The following MTMR12 variants were observed in gnomAD, a reference collection of about 807,000 sequenced individuals.
The protein encoded by MTMR12 is myotubularin-related protein 12.
A neutral mutation model predicts 96.7 loss-of-function variants in MTMR12; 33 were observed. That is an observed-to-expected ratio of 0.34 (90% CI 0.26 to 0.46). MTMR12 has a LOEUF of 0.46. MTMR12 is among the 20% of genes least tolerant of loss of function. The probability of loss-of-function intolerance (pLI) is 1.00; values close to 1 mark genes in which losing one functional copy is unlikely to be tolerated. For synonymous variants in MTMR12, 298 were observed against 327.2 expected (o/e 0.91, Z 0.96); for missense variants, 721 against 896.1 (o/e 0.80, Z 2.49).
intron 8 of MTMR12, among the ~76,000 whole-genome samples, chr5:32,253,329 T>G (rs1356838009): frequency 6.6e-6 from 1 of 152,172 alleles, no homozygotes; most frequent in Non-Finnish European, 1.5e-5. Context: ...GATTGGGTAT[T>G]CTAGGTTAAG....
In MTMR12 at chr5:32,308,321, C is replaced by CA. The variant is rs1188447384; in HGVS notation, c.81+4436dup. Among the ~76,000 whole-genome samples, 404 of 138,484 alleles carry CA rather than the reference C, an allele frequency of 2.9e-3. 1 individual carries two copies. The highest frequency in any genetic ancestry group is 9.1e-3 in the African/African-American group (344 of 37,738). The allele number at this position is 138,484 out of a possible 152,430, so 90.9% of individuals were successfully genotyped here. On this transcript the variant is annotated intron_variant, in intron 1 of 15. Transcript: ENST00000382142. ...TGGGTGACAGAACGAGGCTCCATCT[C>CA]AAAAAAAAAAAGAAAGAAGCAACAG...
intron 3 of MTMR12, among the ~76,000 whole-genome samples, chr5:32,273,455 AC>A (rs1223675610): frequency 6.6e-5 from 10 of 152,238 alleles, no homozygotes; most frequent in African/African-American, 2.4e-4. Context: ...CGGTTTCATT[AC>A]TGAACTCAGT....
chr5:32,227,508 T>C lies in MTMR12; in HGVS notation c.*2270A>G, dbSNP rs1472565029. Reference sequence around the variant, plus strand: ...AATATGTCAATGCACATTCAACTGCTATGACAAAGGCCATGACCTTGTGCC... The same window carrying C: ...AATATGTCAATGCACATTCAACTGCCATGACAAAGGCCATGACCTTGTGCC... On this transcript the variant is annotated 3_prime_UTR_variant, in exon 16 of 16. Transcript: ENST00000382142. The C allele has an allele frequency of 6.5e-6, 1 of 152,692 alleles. No individual in the cohort carries two copies. The highest frequency in any genetic ancestry group is 1.5e-5 in the Non-Finnish European group (1 of 68,048). 9.5% of individuals were successfully genotyped at this position (152,692 alleles called of 1,614,324 possible). A position where few individuals can be genotyped will look rare whatever the true frequency, so the allele number is the denominator to read the frequency against.
At chr5:32,283,032 G>A (rs1441173996) in intron 1 of MTMR12, among the ~76,000 whole-genome samples, 2 of 152,196 alleles carry the variant, frequency 1.3e-5, no homozygotes, top group Non-Finnish European at 2.9e-5. Flanking sequence ...GTATCTGGAT[G>A]TGCTGAGTCC....
At position 32,312,677 on chromosome 5, in the gene MTMR12, C is replaced by T. The variant is rs959665972; in HGVS notation, c.81+81G>A. 3 of 1,235,938 alleles carry T rather than the reference C, an allele frequency of 2.4e-6. No homozygotes were observed. The highest frequency in any genetic ancestry group is 2.1e-5 in the South Asian group (1 of 46,806). 76.6% of individuals were successfully genotyped at this position (1,235,938 alleles called of 1,614,324 possible). A position where few individuals can be genotyped will look rare whatever the true frequency, so the allele number is the denominator to read the frequency against. Reference sequence around the variant, plus strand: ...GGGCAGGAAGCGCTCCGCGGCGCTCCCCGCTGCAAGGAAGGGGCTCCCGGC... The same window carrying T: ...GGGCAGGAAGCGCTCCGCGGCGCTCTCCGCTGCAAGGAAGGGGCTCCCGGC... On this transcript the variant is annotated intron_variant, in intron 1 of 15. Coordinates refer to ENST00000382142, the MANE Select transcript of MTMR12 (RefSeq NM_001040446.3). This position sits in a 1 kb window ranked among gnomAD's most constrained non-coding sequence, Gnocchi z 5.0.
chr5:32,298,898 A>G (rs1201337036), intron 1 of MTMR12, among the ~76,000 whole-genome samples: 1 of 149,622 alleles, frequency 6.7e-6, no homozygotes, highest in Non-Finnish European at 1.5e-5. Flanking sequence ...GCTTGCAGTG[A>G]GCCGAGATCG....
At chr5:32,250,966 T>G (rs1748894675) in intron 8 of MTMR12, among the ~76,000 whole-genome samples, 1 of 152,280 alleles carries the variant, frequency 6.6e-6, no homozygotes, top group Middle Eastern at 3.4e-3. Context: ...TATGAGTGAC[T>G]TCATAGGCAA....
intron 9 of MTMR12, 129 bp downstream of exon 9, chr5:32,248,642 CT>C: frequency 1.5e-6 from 1 of 679,738 alleles, no homozygotes; most frequent in South Asian, 1.9e-5. Flanking sequence ...AAAATGATCA[CT>C]GTTAAGTTGT....
chr5:32,289,739 T>C (rs1223912518), intron 1 of MTMR12, among the ~76,000 whole-genome samples: 1 of 152,178 alleles, frequency 6.6e-6, no homozygotes, highest in Non-Finnish European at 1.5e-5. Context: ...GGCATAGACA[T>C]ACTTAGCAAC....
chr5:32,242,494 G>A (rs1340470873), intron 11 of MTMR12, among the ~76,000 whole-genome samples: 2 of 152,076 alleles, frequency 1.3e-5, no homozygotes, highest in African/African-American at 2.4e-5. Flanking sequence ...CTTTACTTAA[G>A]GTGACCTGCT....
At chr5:32,264,257 T>C (rs942748437) in intron 6 of MTMR12, among the ~76,000 whole-genome samples, 5 of 152,180 alleles carry the variant, frequency 3.3e-5, no homozygotes, top group Admixed American at 2.6e-4. Flanking sequence ...CACAATAGTC[T>C]TGAGTATATA....
In MTMR12 at chr5:32,228,599, T is replaced by TC. The variant is rs1554053428; in HGVS notation, c.*1178_*1179insG. The TC allele has an allele frequency of 3.7e-4, 47 of 126,952 alleles. No individual in the cohort carries two copies. Among genetic ancestry groups the TC allele is most frequent in the Non-Finnish European group, 6.2e-4 (38 of 60,802 alleles). The allele number at this position is 126,952 out of a possible 1,614,324, so 7.9% of individuals were successfully genotyped here. ...ATATATCATATATATGTGATATATA[T>TC]ATATATATCATATATATGATATATA... On this transcript the variant is annotated 3_prime_UTR_variant, in exon 16 of 16. Coordinates refer to ENST00000382142, the MANE Select transcript of MTMR12 (RefSeq NM_001040446.3).
intron 1 of MTMR12, among the ~76,000 whole-genome samples, chr5:32,277,134 G>A (rs549721135): frequency 8.6e-5 from 13 of 151,852 alleles, no homozygotes; most frequent in East Asian, 3.9e-4. Flanking sequence ...ATCTGCCCGC[G>A]TCAGCCTCCC....
At chr5:32,266,669 C>G (rs963136163) in intron 6 of MTMR12, among the ~76,000 whole-genome samples, 2 of 149,722 alleles carry the variant, frequency 1.3e-5, no homozygotes, top group African/African-American at 4.9e-5. Context: ...GCCTGGGTAA[C>G]AGTGTGAGAG....
chr5:32,241,093 TG>T (rs1285135214), intron 12 of MTMR12, among the ~76,000 whole-genome samples: 2 of 152,216 alleles, frequency 1.3e-5, no homozygotes, highest in Non-Finnish European at 2.9e-5. Context: ...CTGTGATTAA[TG>T]TGTTCTGGCC....
chr5:32,255,869 GCAGATGGGACCATATTTC>G, intron 7 of MTMR12, 101 bp from the exon 8 acceptor site: 1 of 1,021,534 alleles, frequency 9.8e-7, no homozygotes. Context: ...AGAGTGTTAA[GCAGATGGGACCATATTTC>G]CCTGTTCAGA....
intron 1 of MTMR12, among the ~76,000 whole-genome samples, chr5:32,300,520 C>T (rs1197889783): frequency 6.6e-6 from 1 of 152,116 alleles, no homozygotes; most frequent in Non-Finnish European, 1.5e-5. Context: ...CAGGACCAGA[C>T]ACAGAGACAG....
At chr5:32,306,643 C>T (rs1238070967) in intron 1 of MTMR12, among the ~76,000 whole-genome samples, 1 of 152,134 alleles carries the variant, frequency 6.6e-6, no homozygotes, top group African/African-American at 2.4e-5. Flanking sequence ...TTCCTGAGCT[C>T]ATGTGACCCT....
chr5:32,289,590 T>A (rs1294704954), intron 1 of MTMR12, among the ~76,000 whole-genome samples: 3 of 152,192 alleles, frequency 2.0e-5, no homozygotes, highest in African/African-American at 7.2e-5. Flanking sequence ...ACCCAAAGTG[T>A]CACTGTGGTC....
Sources: gnomAD v4.1 joint callset for allele counts (sites outside exome capture counted in the v4.1 genomes callset) on GRCh38, gnomAD v4.1.1 for gene constraint, Gnocchi (gnomAD v3.1) non-coding constraint, MANE v1.5 for transcripts, NCBI Gene and HGNC (gene_info 2026-07-23, HGNC 2026-07-21) for gene names.